The following UNC13C variants were observed in gnomAD, a reference collection of about 807,000 sequenced individuals.
UNC13C encodes the protein protein unc-13 homolog C.
Under a neutral mutation model 245.4 loss-of-function variants are expected in UNC13C, and 174 were observed. The observed-to-expected ratio is 0.71, with a 90% confidence interval of 0.63 to 0.80. The LOEUF (loss-of-function observed/expected upper bound fraction) is 0.80, where lower values mean the gene tolerates loss of function less well. Among genes scored for constraint, UNC13C ranks in the 30% least tolerant of loss-of-function variants. The pLI is 0.00. For synonymous variants in UNC13C, 992 were observed against 895.1 expected (o/e 1.11, Z -1.93); for missense variants, 2,829 against 2,602.9 (o/e 1.09, Z -1.89).
chr15:54,128,345 C>G (rs914308168), intron 2 of UNC13C, among the ~76,000 whole-genome samples: 4 of 152,154 alleles, frequency 2.6e-5, no homozygotes, highest in Non-Finnish European at 5.9e-5. Flanking sequence ...ATATCCTTAA[C>G]TTATTTGCTA....
intron 19 of UNC13C, among the ~76,000 whole-genome samples, chr15:54,444,565 A>G (rs946587327): frequency 6.6e-6 from 1 of 151,710 alleles, no homozygotes; most frequent in African/African-American, 2.4e-5. Context: ...TTCCTGGTAT[A>G]TTGTTAATTG....
At chr15:54,224,764 G>A (rs2035326669) in intron 4 of UNC13C, among the ~76,000 whole-genome samples, 1 of 152,124 alleles carries the variant, frequency 6.6e-6, no homozygotes, top group Admixed American at 6.6e-5. Context: ...TAACAATGAA[G>A]TCATCAGGTC....
At chr15:54,141,023 G>A (rs1476408010) in intron 2 of UNC13C, among the ~76,000 whole-genome samples, 1 of 152,164 alleles carries the variant, frequency 6.6e-6, no homozygotes, top group African/African-American at 2.4e-5. Flanking sequence ...ACCTTGTTAA[G>A]ATTACCTGTA....
rs1357122079 is a variant in UNC13C, at chr15:54,626,991, A to C, written c.6523A>C (p.Ile2175Leu). ...GGCATGGTATCCTCTTCTGAAAAAT[A>C]TCTCTATGGATGAAACTGGTTTGAC... ...YGAWYPLLKN[I>L]SMDETGLTIL... Residue 2175 changes from isoleucine (I) to leucine (L), a missense_variant, in exon 33 of 33, where the codon ATC becomes CTC. Ile to Leu is a conservative substitution (Grantham distance 5, BLOSUM62 2). Coordinates refer to ENST00000260323, the MANE Select transcript of UNC13C (RefSeq NM_001080534.3). The C allele has an allele frequency of 6.2e-7, 1 of 1,613,498 alleles. No individual in the cohort carries two copies. Among genetic ancestry groups the C allele is most frequent in the Non-Finnish European group, 8.5e-7 (1 of 1,179,606 alleles).
rs1026315293 is a variant in UNC13C, at chr15:54,584,336, A to G, written c.6106+16389A>G. On this transcript the variant is annotated intron_variant, in intron 30 of 32. Transcript: ENST00000260323. ...CATTGCTATCTTGTAGTATGCAGTT[A>G]TGCCTCGTTTCATTTCATTTTCCAA... Among the ~76,000 whole-genome samples the G allele has an allele frequency of 2.6e-5, 4 of 152,250 alleles. 1 individual carries two copies. Among genetic ancestry groups the G allele is most frequent in the East Asian group, 1.9e-4 (1 of 5,198 alleles).
At chr15:54,023,175 A>G (rs1272800970) in intron 2 of UNC13C, among the ~76,000 whole-genome samples, 1 of 152,212 alleles carries the variant, frequency 6.6e-6, no homozygotes, top group East Asian at 1.9e-4. Flanking sequence ...TCATCTTACA[A>G]GTGAGATGAC....
At chr15:54,179,282 T>C (rs1162674753) in intron 4 of UNC13C, among the ~76,000 whole-genome samples, 1 of 152,100 alleles carries the variant, frequency 6.6e-6, no homozygotes, top group Admixed American at 6.6e-5. Context: ...AAAATGTGGC[T>C]GATAATCAAA....
chr15:54,127,337 A>C (rs1049320872), intron 2 of UNC13C, among the ~76,000 whole-genome samples: 3 of 152,218 alleles, frequency 2.0e-5, no homozygotes, highest in Non-Finnish European at 2.9e-5. Context: ...TGGATAAAGA[A>C]AATGTGACAC....
At chr15:54,543,859 C>T (rs1188035242) in intron 26 of UNC13C, among the ~76,000 whole-genome samples, 1 of 152,070 alleles carries the variant, frequency 6.6e-6, no homozygotes, top group Non-Finnish European at 1.5e-5. Flanking sequence ...CGAATTCTAC[C>T]AGAGGTACAA....
At chr15:54,277,458 G>T (rs537940667) in intron 10 of UNC13C, among the ~76,000 whole-genome samples, 2 of 152,256 alleles carry the variant, frequency 1.3e-5, no homozygotes, top group East Asian at 1.9e-4. Flanking sequence ...GAACAAGATG[G>T]AAACCTACCA....
chr15:54,059,678 A>G (rs1242190052), intron 2 of UNC13C, among the ~76,000 whole-genome samples: 1 of 152,234 alleles, frequency 6.6e-6, no homozygotes, highest in Non-Finnish European at 1.5e-5. Flanking sequence ...AAGCCAAAAA[A>G]ACAAAGCTGG....
intron 13 of UNC13C, among the ~76,000 whole-genome samples, chr15:54,317,933 C>T (rs1040024585): frequency 3.3e-5 from 5 of 151,908 alleles, no homozygotes; most frequent in African/African-American, 9.7e-5. Context: ...CCTTTCAACT[C>T]TCTACTTCTC....
intron 13 of UNC13C, among the ~76,000 whole-genome samples, chr15:54,309,783 C>G (rs1015581582): frequency 1.3e-5 from 2 of 151,892 alleles, no homozygotes; most frequent in East Asian, 1.9e-4. Flanking sequence ...CATTGGCACT[C>G]CCGTTGAAAA....
At chr15:53,970,817 T>C in the UNC13C span, among the ~76,000 whole-genome samples, 1 of 152,186 alleles carries the variant, frequency 6.6e-6, no homozygotes, top group Non-Finnish European at 1.5e-5. Context: ...ACCCCACACA[T>C]GGATGCTGGA....
intron 4 of UNC13C, among the ~76,000 whole-genome samples, chr15:54,168,303 T>G (rs894266212): frequency 2.0e-5 from 3 of 152,226 alleles, no homozygotes; most frequent in Admixed American, 2.0e-4. Context: ...GAGATTTGTT[T>G]GGACTTCGGT....
intron 4 of UNC13C, among the ~76,000 whole-genome samples, chr15:54,223,441 A>G (rs911916947): frequency 6.6e-6 from 1 of 151,848 alleles, no homozygotes; most frequent in African/African-American, 2.4e-5. Flanking sequence ...ATTCTGTTTC[A>G]TTGGTCTGTG....
chr15:54,425,810 A>G (rs890632975), intron 19 of UNC13C, among the ~76,000 whole-genome samples: 2 of 151,874 alleles, frequency 1.3e-5, no homozygotes, highest in Non-Finnish European at 2.9e-5. Context: ...GCAAATGCAA[A>G]TATATCATCT....
At chr15:53,971,561 T>G in the UNC13C span, among the ~76,000 whole-genome samples, 1 of 152,156 alleles carries the variant, frequency 6.6e-6, no homozygotes, top group Non-Finnish European at 1.5e-5. Context: ...ATTTTTATTT[T>G]TTAGTATAGG....
intron 1 of UNC13C, among the ~76,000 whole-genome samples, chr15:53,983,797 C>T (rs983740253): frequency 2.6e-5 from 4 of 151,832 alleles, no homozygotes; most frequent in African/African-American, 7.3e-5. Flanking sequence ...TCTCAAAAGT[C>T]AAGAAATTCA....
Sources: allele counts gnomAD v4.1 joint callset (sites outside exome capture counted in the v4.1 genomes callset), GRCh38; gene constraint gnomAD v4.1.1; transcripts MANE v1.5; gene names NCBI Gene and HGNC (gene_info 2026-07-23, HGNC 2026-07-21).